Variants in ANKRD11 observed in about 807,000 individuals in gnomAD.
The protein encoded by ANKRD11 is ankyrin repeat domain-containing protein 11.
ANKRD11 carries 17 observed loss-of-function variants against 195.7 expected under a neutral mutation model. The observed-to-expected ratio is 0.09, with a 90% confidence interval of 0.06 to 0.13. The LOEUF (loss-of-function observed/expected upper bound fraction) is 0.13, where lower values mean the gene tolerates loss of function less well. Among genes scored for constraint, ANKRD11 ranks in the 10% least tolerant of loss-of-function variants. The pLI is 1.00. For missense variants in ANKRD11, 3,735 were observed against 3,566.1 expected (o/e 1.05, Z -1.21); for synonymous variants, 1,953 against 1,528.1 (o/e 1.28, Z -6.49).
intron 2 of ANKRD11, among the ~76,000 whole-genome samples, chr16:89,361,993 A>G (rs1340231700): frequency 1.3e-5 from 2 of 152,208 alleles, no homozygotes; most frequent in Admixed American, 1.3e-4. Context: ...GAGTGGCTCC[A>G]GGCAGGAGGA....
chr16:89,401,401 C>T (rs2041681739), intron 2 of ANKRD11, among the ~76,000 whole-genome samples: 1 of 152,088 alleles, frequency 6.6e-6, no homozygotes. Context: ...GATTATGCAG[C>T]CACTAAATAT....
In ANKRD11 at chr16:89,305,191, G is replaced by A. The variant is rs753550985; in HGVS notation, c.226+15C>T. The A allele has an allele frequency of 5.8e-5, 93 of 1,609,320 alleles. 2 individuals are homozygous for A. The East Asian group carries it at 2.0e-3, about 34-fold the overall frequency. ...CTGTGGAGGGCTGACTGCAGGAGGG[G>A]CCGCGGGCTGGTACCTGTGTCCGAG... On this transcript the variant is annotated intron_variant, in intron 4 of 12. Coordinates refer to ENST00000301030, the MANE Select transcript of ANKRD11 (RefSeq NM_013275.6).
intron 2 of ANKRD11, among the ~76,000 whole-genome samples, chr16:89,340,153 T>C (rs886632372): frequency 1.3e-5 from 2 of 152,232 alleles, no homozygotes; most frequent in African/African-American, 4.8e-5. Flanking sequence ...TAACTAGAAA[T>C]GGAATTTCTA....
chr16:89,465,107 C>T (rs932179727), intron 1 of ANKRD11, among the ~76,000 whole-genome samples: 4 of 152,198 alleles, frequency 2.6e-5, no homozygotes, highest in South Asian at 2.1e-4. Context: ...CAGCCAGGCT[C>T]GTTTTAAGTG....
intron 3 of ANKRD11, chr16:89,313,679 G>C (rs1597592129): frequency 8.8e-7 from 1 of 1,142,286 alleles, no homozygotes; most frequent in Middle Eastern, 2.3e-4. Flanking sequence ...ATTTCAGCCT[G>C]TACCAGGAGA....
intron 1 of ANKRD11, among the ~76,000 whole-genome samples, chr16:89,430,405 C>G (rs942854243): frequency 2.7e-5 from 4 of 147,636 alleles, no homozygotes; most frequent in South Asian, 4.4e-4. Flanking sequence ...TCAACTCTCA[C>G]GCTCAGTCGT....
intron 2 of ANKRD11, among the ~76,000 whole-genome samples, chr16:89,339,295 TC>T (rs2038539064): frequency 6.6e-6 from 1 of 152,152 alleles, no homozygotes; most frequent in Non-Finnish European, 1.5e-5. Context: ...ATGTCTGAAT[TC>T]CCCCTCAGTA....
intron 2 of ANKRD11, among the ~76,000 whole-genome samples, chr16:89,369,187 G>A (rs1046791239): frequency 4.6e-5 from 7 of 152,168 alleles, no homozygotes; most frequent in African/African-American, 1.7e-4. Flanking sequence ...GTTTTCCCAA[G>A]AGAGAATATG....
At chr16:89,483,200 G>A (rs2057499646) in intron 1 of ANKRD11, among the ~76,000 whole-genome samples, 1 of 152,128 alleles carries the variant, frequency 6.6e-6, no homozygotes, top group Non-Finnish European at 1.5e-5. Flanking sequence ...TAAGGAAAAG[G>A]CACAGATTAA....
chr16:89,323,256 T>A (rs1287843468), intron 2 of ANKRD11: 6 of 1,262,268 alleles, frequency 4.8e-6, no homozygotes, highest in Admixed American at 4.6e-5. Flanking sequence ...GAAAAAGAGC[T>A]GCATACCTGG....
At chr16:89,405,062 C>T (rs1324085972) in intron 2 of ANKRD11, among the ~76,000 whole-genome samples, 6 of 152,110 alleles carry the variant, frequency 3.9e-5, no homozygotes, top group Non-Finnish European at 5.9e-5. Flanking sequence ...CACAGCCCGA[C>T]GCCCCGTCAC....
chr16:89,448,979 A>T (rs1180281581), intron 1 of ANKRD11, among the ~76,000 whole-genome samples: 1 of 152,214 alleles, frequency 6.6e-6, no homozygotes, highest in Non-Finnish European at 1.5e-5. Flanking sequence ...GCAGCCATCA[A>T]CCATCATAAA....
intron 4 of ANKRD11, chr16:89,300,570 C>T (rs190708200): frequency 2.5e-4 from 92 of 363,762 alleles, no homozygotes; most frequent in African/African-American, 1.9e-3. Context: ...GCCTCTAGCA[C>T]TGGGCAAGGT....
Position 89,352,881 on chromosome 16 carries a change from C to T in ANKRD11, c.-59-35803G>A, listed in dbSNP as rs551512530. Reference sequence around the variant, plus strand: ...CTTGTCCTTTCCCTCTTTTCTCTCACGGCTTGTTCTACTTCACGGCATGTT... The same window carrying T: ...CTTGTCCTTTCCCTCTTTTCTCTCATGGCTTGTTCTACTTCACGGCATGTT... On this transcript the variant is annotated intron_variant, in intron 2 of 12. Transcript: ENST00000301030. Among the ~76,000 whole-genome samples, 45 of 152,338 alleles carry T rather than the reference C, an allele frequency of 3.0e-4. No homozygotes were observed. The South Asian group carries it at 6.0e-3, about 20-fold the overall frequency.
intron 1 of ANKRD11, among the ~76,000 whole-genome samples, chr16:89,422,440 C>A (rs2042556035): frequency 6.6e-6 from 1 of 152,150 alleles, no homozygotes; most frequent in African/African-American, 2.4e-5. Context: ...AGTAACCACC[C>A]TGGTCTCATC....
chr16:89,443,585 C>G (rs1200654941), intron 1 of ANKRD11, among the ~76,000 whole-genome samples: 2 of 152,176 alleles, frequency 1.3e-5, no homozygotes, highest in African/African-American at 4.8e-5. Context: ...AGACACATAC[C>G]TACTAGCTGC....
intron 2 of ANKRD11, among the ~76,000 whole-genome samples, chr16:89,354,993 T>A (rs559294190): frequency 2.0e-5 from 3 of 152,210 alleles, no homozygotes; most frequent in African/African-American, 4.8e-5. Flanking sequence ...TCCCAGGAAA[T>A]GCACAGATTC....
chr16:89,341,987 A>ACTG (rs1216926871), intron 2 of ANKRD11, among the ~76,000 whole-genome samples: 14 of 146,688 alleles, frequency 9.5e-5, no homozygotes, highest in African/African-American at 3.3e-4. Flanking sequence ...CTGCACCTCC[A>ACTG]CCCACAGCGG....
At chr16:89,324,053 T>C (rs754743059) in intron 2 of ANKRD11, 16 of 243,154 alleles carry the variant, frequency 6.6e-5, no homozygotes, top group Non-Finnish European at 1.2e-4. Context: ...GGTTTCACCA[T>C]GTTGGCCAGG....
Sources: allele counts gnomAD v4.1 joint callset (sites outside exome capture counted in the v4.1 genomes callset), GRCh38; gene constraint gnomAD v4.1.1; transcripts MANE v1.5; gene names NCBI Gene and HGNC (gene_info 2026-07-23, HGNC 2026-07-21).